PTPN1: variants seen among roughly 807,000 people sequenced by gnomAD.
The protein encoded by PTPN1 is tyrosine-protein phosphatase non-receptor type 1.
PTPN1 carries 12 observed loss-of-function variants against 59.9 expected under a neutral mutation model. The observed-to-expected ratio is 0.20, with a 90% CI of 0.13 to 0.32. The LOEUF is 0.32. Ranked by LOEUF, PTPN1 falls within the 10% of genes least tolerant of loss-of-function variation. PTPN1 has a pLI of 1.00. For synonymous variants in PTPN1, 178 were observed against 203.6 expected (o/e 0.87, Z 1.07); for missense variants, 356 against 549.2 (o/e 0.65, Z 3.52).
chr20:50,536,904 A>G (rs2082626253), intron 1 of PTPN1, among the ~76,000 whole-genome samples: 1 of 152,164 alleles, frequency 6.6e-6, no homozygotes, highest in Admixed American at 6.6e-5. Flanking sequence ...CAAAAAAAGT[A>G]AAATTTTTCT....
chr20:50,525,635 GT>G (rs2082571535), intron 1 of PTPN1, among the ~76,000 whole-genome samples: 2 of 143,840 alleles, frequency 1.4e-5, no homozygotes, highest in African/African-American at 2.6e-5. Context: ...TTTGATGATT[GT>G]TTTTTGATAG....
At chr20:50,549,540 C>T (rs1475018639) in intron 1 of PTPN1, among the ~76,000 whole-genome samples, 1 of 152,204 alleles carries the variant, frequency 6.6e-6, no homozygotes, top group Admixed American at 6.5e-5. Context: ...GTGGCAGGGA[C>T]AGTTACTTGG....
intron 1 of PTPN1, among the ~76,000 whole-genome samples, chr20:50,533,127 G>T (rs1168206665): frequency 2.7e-5 from 4 of 150,256 alleles, no homozygotes; most frequent in African/African-American, 9.8e-5. Flanking sequence ...TAGTTTTTTT[G>T]AGGTGTTCTA....
chr20:50,526,123 A>G (rs2122730304), intron 1 of PTPN1, among the ~76,000 whole-genome samples: 1 of 152,086 alleles, frequency 6.6e-6, no homozygotes, highest in East Asian at 1.9e-4. Context: ...TCTCTCTTTC[A>G]CTGTATGTAT....
intron 1 of PTPN1, among the ~76,000 whole-genome samples, chr20:50,544,386 G>A (rs887748212): frequency 2.6e-5 from 4 of 151,920 alleles, no homozygotes; most frequent in Non-Finnish European, 5.9e-5. Flanking sequence ...GAACTCCTGG[G>A]CCCAAGCAAT....
chr20:50,516,633 T>TC (rs1051780670), intron 1 of PTPN1, among the ~76,000 whole-genome samples: 12 of 152,350 alleles, frequency 7.9e-5, no homozygotes, highest in African/African-American at 2.9e-4. Context: ...GGGTGTTTTT[T>TC]CCCGAGGGGC....
intron 1 of PTPN1, among the ~76,000 whole-genome samples, chr20:50,521,582 C>T (rs1221530588): frequency 6.6e-5 from 10 of 152,162 alleles, no homozygotes; most frequent in African/African-American, 2.4e-4. Context: ...TAAGCCTCCC[C>T]GATTTATTAG....
chr20:50,542,028 A>G, intron 1 of PTPN1, among the ~76,000 whole-genome samples: 1 of 152,210 alleles, frequency 6.6e-6, no homozygotes, highest in East Asian at 1.9e-4. Flanking sequence ...ATTTGTGGCC[A>G]CAGTGGGAAC....
intron 1 of PTPN1, among the ~76,000 whole-genome samples, chr20:50,554,262 C>T (rs1332921399): frequency 3.9e-5 from 6 of 152,280 alleles, no homozygotes; most frequent in Admixed American, 3.3e-4. Flanking sequence ...AGGTCCACAC[C>T]TGTAACTCTA....
At chr20:50,553,043 GTCTC>G (rs1230416755) in intron 1 of PTPN1, among the ~76,000 whole-genome samples, 1 of 151,938 alleles carries the variant, frequency 6.6e-6, no homozygotes, top group Non-Finnish European at 1.5e-5. Context: ...CATATATTTT[GTCTC>G]TCTGTCTCTC....
chr20:50,515,578 C>T (rs775861174), intron 1 of PTPN1, among the ~76,000 whole-genome samples: 3 of 152,152 alleles, frequency 2.0e-5, no homozygotes, highest in Admixed American at 6.5e-5. Context: ...AGGTATGAGA[C>T]ACTGTGCCCA....
intron 3 of PTPN1, among the ~76,000 whole-genome samples, chr20:50,567,854 A>G (rs2082786330): frequency 6.6e-6 from 1 of 152,238 alleles, no homozygotes. Context: ...TAAGTACTTT[A>G]TAGAAATGAA....
At chr20:50,526,578 G>A (rs1388875649) in intron 1 of PTPN1, among the ~76,000 whole-genome samples, 2 of 152,120 alleles carry the variant, frequency 1.3e-5, no homozygotes, top group Middle Eastern at 3.2e-3. Flanking sequence ...TTCCCTGGCA[G>A]TTGAGATAGT....
In PTPN1 at chr20:50,581,306, G is replaced by A; in HGVS notation, c.1130G>A (p.Gly377Glu). ...GAAGTTAGAAGTCGGGTCGTGGGGG[G>A]AAGTCTTCGAGGTGCCCAGGCTGCC... Reference protein sequence around the residue: ...DTEVRSRVVGGSLRGAQAASP... With the variant: ...DTEVRSRVVGESLRGAQAASP... Residue 377 changes from glycine to glutamate, a missense_variant, in exon 9 of 10, where the codon GGA (glycine) becomes GAA (glutamate). By Grantham distance (98) the Gly-to-Glu change is moderately conservative. Around this residue, in one of 3 missense-constraint regions of PTPN1, gnomAD observed 62 missense variants for 97.2 expected, o/e 0.64. Transcript: ENST00000371621. 1 of 1,613,490 alleles carries A rather than the reference G, an allele frequency of 6.2e-7. No homozygotes were observed. The highest frequency in any genetic ancestry group is 8.5e-7 in the Non-Finnish European group (1 of 1,179,434).
chr20:50,553,164 T>C (rs1411009632), intron 1 of PTPN1, among the ~76,000 whole-genome samples: 1 of 152,206 alleles, frequency 6.6e-6, no homozygotes, highest in Admixed American at 6.5e-5. Context: ...GTAGGCCCTT[T>C]ATATTTGTTG....
intron 1 of PTPN1, among the ~76,000 whole-genome samples, chr20:50,515,943 G>T (rs904700594): frequency 1.3e-5 from 2 of 152,304 alleles, no homozygotes; most frequent in South Asian, 4.1e-4. Context: ...TGGAAGAAAG[G>T]CTGGCATTCT....
intron 1 of PTPN1, among the ~76,000 whole-genome samples, chr20:50,544,538 A>G (rs948353249): frequency 1.3e-5 from 2 of 152,234 alleles, no homozygotes; most frequent in African/African-American, 4.8e-5. Flanking sequence ...AAATACGTAA[A>G]GAGCTTATAT....
At chr20:50,581,559 C>G (rs1568799672) in intron 9 of PTPN1, 99 bp downstream of exon 9, 4 of 1,306,118 alleles carry the variant, frequency 3.1e-6, no homozygotes, top group Non-Finnish European at 4.1e-6. Context: ...TGCATCTGAG[C>G]CAGTCTCAGA....
At chr20:50,517,827 T>TA (rs1196957630) in intron 1 of PTPN1, among the ~76,000 whole-genome samples, 3 of 152,198 alleles carry the variant, frequency 2.0e-5, no homozygotes, top group Non-Finnish European at 4.4e-5. Context: ...CCACTTGAAG[T>TA]AAAGTTTTGG....
Sources: allele counts gnomAD v4.1 joint callset (sites outside exome capture counted in the v4.1 genomes callset), GRCh38; gene constraint gnomAD v4.1.1; regional missense constraint gnomAD v4.1.1; transcripts MANE v1.5; gene names NCBI Gene and HGNC (gene_info 2026-07-23, HGNC 2026-07-21).